Variants in RBBP4 observed in about 807,000 individuals in gnomAD.
The protein encoded by RBBP4 is RB binding protein 4, chromatin remodeling factor.
RBBP4 carries 3 observed loss-of-function variants against 57.2 expected under a neutral mutation model. That is an observed-to-expected ratio of 0.05 (90% CI 0.02 to 0.14). The LOEUF (loss-of-function observed/expected upper bound fraction) is 0.14. RBBP4 is among the 10% of genes least tolerant of loss of function. RBBP4 has a pLI of 1.00. For missense variants in RBBP4, 107 were observed against 520.6 expected, an observed-to-expected ratio of 0.21 and a Z score of 7.73; for synonymous variants, 151 against 171.5, an observed-to-expected ratio of 0.88 and a Z score of 0.93.
chr1:32,661,966 A>T (rs1443812565), intron 3 of RBBP4, among the ~76,000 whole-genome samples: 1 of 124,826 alleles, frequency 8.0e-6, no homozygotes, highest in East Asian at 2.5e-4. Flanking sequence ...GCTCACTGCA[A>T]CTTCCGCCTC....
chr1:32,681,881 G>A lies in RBBP4; in HGVS notation c.*2176G>A. 6.2e-7 allele frequency: 1 copy of A among 1,608,484 alleles called. No homozygotes were observed. The highest frequency in any genetic ancestry group is 8.5e-7 in the Non-Finnish European group (1 of 1,174,894). ...AGCCCCTGTAAAGTTGAAAGAAAAA[G>A]TTTATAACAGTGAACTTCTGAGGTT... On this transcript the variant is annotated 3_prime_UTR_variant, in exon 12 of 12. Transcript: ENST00000373493.
In RBBP4 at chr1:32,684,121, T is replaced by G; in HGVS notation, c.*4416T>G. On this transcript the variant is annotated 3_prime_UTR_variant, in exon 12 of 12. Transcript: ENST00000373493. Reference sequence around the variant, plus strand: ...AAAGAGAGAGCCATTTTCCATGTGTTTTTGGATAAGCACAATTTGAAAATC... The same window carrying G: ...AAAGAGAGAGCCATTTTCCATGTGTGTTTGGATAAGCACAATTTGAAAATC... 6.2e-7 allele frequency: 1 copy of G among 1,611,214 alleles called. No homozygotes were observed. The highest frequency in any genetic ancestry group is 8.5e-7 in the Non-Finnish European group (1 of 1,178,722).
intron 3 of RBBP4, among the ~76,000 whole-genome samples, chr1:32,662,623 C>CT (rs202141827): frequency 8.4e-4 from 128 of 152,060 alleles, no homozygotes; most frequent in Admixed American, 6.5e-3. Context: ...ATCCACCTGC[C>CT]TCAGCCTCCC....
At chr1:32,652,824 G>A (rs1349571390) in intron 2 of RBBP4, among the ~76,000 whole-genome samples, 1 of 152,194 alleles carries the variant, frequency 6.6e-6, no homozygotes, top group South Asian at 2.1e-4. Context: ...GGGATTACAG[G>A]CGTGAGCCAC....
rs1478773534 is a variant in RBBP4, at chr1:32,678,710, C to G, written c.1213-930C>G. Among the ~76,000 whole-genome samples, 5 of 150,742 alleles carry G rather than the reference C, an allele frequency of 3.3e-5. 1 individual carries two copies. Among genetic ancestry groups the G allele is most frequent in the Non-Finnish European group, 7.4e-5 (5 of 67,868 alleles). ...GTTCAATCAATTCTTATGCCTCAGCCTCCCAAGTAGCTGGGACCACAGGGG... is the reference window on the plus strand; with the variant it reads ...GTTCAATCAATTCTTATGCCTCAGCGTCCCAAGTAGCTGGGACCACAGGGG... On this transcript the variant is annotated intron_variant, in intron 11 of 11. Coordinates refer to ENST00000373493, the MANE Select transcript of RBBP4 (RefSeq NM_005610.3).
At position 32,657,417 on chromosome 1, in the gene RBBP4, GC is replaced by G; in HGVS notation, c.165-8del. 1 of 1,610,570 alleles carries G rather than the reference GC, an allele frequency of 6.2e-7. No homozygotes were observed. The highest frequency in any genetic ancestry group is 8.5e-7 in the Non-Finnish European group (1 of 1,178,524). ...CTAATTTGAACAGTGACTATATATTGCCGTTACAGACCAGAAGGGAAAGATT... is the reference window on the plus strand; with the variant it reads ...CTAATTTGAACAGTGACTATATATTGCGTTACAGACCAGAAGGGAAAGATT... On this transcript the variant is annotated splice_polypyrimidine_tract_variant and intron_variant, in intron 2 of 11. Coordinates refer to ENST00000373493, the MANE Select transcript of RBBP4 (RefSeq NM_005610.3).
intron 3 of RBBP4, among the ~76,000 whole-genome samples, chr1:32,659,509 G>A (rs1472571080): frequency 2.0e-5 from 3 of 147,654 alleles, no homozygotes; most frequent in African/African-American, 5.0e-5. Flanking sequence ...GCAGTGAGCC[G>A]AGATCTCACC....
At chr1:32,655,475 C>G (rs1424605772) in intron 2 of RBBP4, among the ~76,000 whole-genome samples, 2 of 152,206 alleles carry the variant, frequency 1.3e-5, no homozygotes, top group Non-Finnish European at 2.9e-5. Context: ...CTTCTACATA[C>G]AGGTAATTCC....
intron 2 of RBBP4, among the ~76,000 whole-genome samples, chr1:32,653,235 C>G (rs190178634): frequency 6.6e-6 from 1 of 152,120 alleles, no homozygotes; most frequent in East Asian, 1.9e-4. Context: ...TGCCTCATTT[C>G]TTAGGAAGAA....
chr1:32,662,221 C>CA (rs1260437053), intron 3 of RBBP4: 1 of 341,732 alleles, frequency 2.9e-6, no homozygotes, highest in Non-Finnish European at 6.1e-6. Flanking sequence ...ATTTTTTTAA[C>CA]AAACAGTCTC....
chr1:32,666,465 T>A (rs1483429052), intron 3 of RBBP4, among the ~76,000 whole-genome samples: 3 of 152,172 alleles, frequency 2.0e-5, no homozygotes, highest in Admixed American at 1.3e-4. Flanking sequence ...TTCAAGCAAT[T>A]CTGTCTCAGC....
intron 3 of RBBP4, chr1:32,662,292 T>A (rs1266825770): frequency 3.8e-6 from 1 of 262,654 alleles, no homozygotes; most frequent in Non-Finnish European, 8.3e-6. Context: ...CCTCCTGGGT[T>A]CAAGTGATTC....
At chr1:32,668,121 A>T in intron 3 of RBBP4, 104 bp from the exon 4 acceptor site, 1 of 1,071,960 alleles carries the variant, frequency 9.3e-7, no homozygotes, top group Non-Finnish European at 1.3e-6. Flanking sequence ...GTATTATGCC[A>T]GTTTGTTGCT....
chr1:32,660,289 C>G (rs1242572461), intron 3 of RBBP4, among the ~76,000 whole-genome samples: 3 of 152,156 alleles, frequency 2.0e-5, no homozygotes, highest in Admixed American at 1.3e-4. Context: ...CTCTGTCACC[C>G]AGACTGGAGT....
intron 3 of RBBP4, among the ~76,000 whole-genome samples, chr1:32,658,125 T>C (rs1418808728): frequency 6.6e-6 from 1 of 152,180 alleles, no homozygotes; most frequent in Admixed American, 6.5e-5. Context: ...AGTGCTGGAA[T>C]TACAGGCGTG....
In RBBP4 at chr1:32,681,112, T is replaced by G. The variant is rs1649406746; in HGVS notation, c.*1407T>G. On this transcript the variant is annotated 3_prime_UTR_variant, in exon 12 of 12. Coordinates refer to ENST00000373493, the MANE Select transcript of RBBP4 (RefSeq NM_005610.3). The stretch of plus-strand genomic sequence containing the variant: ...ATGCAATAACCAGATAAAATTCCTG[T>G]TTTTTCCCAATCGCTTAGTTTTTTG... The G allele has an allele frequency of 6.5e-6, 1 of 152,734 alleles. No homozygotes were observed. Among genetic ancestry groups the G allele is most frequent in the South Asian group, 2.1e-4 (1 of 4,842 alleles). The allele number at this position is 152,734 out of a possible 1,614,324, so 9.5% of individuals were successfully genotyped here.
In RBBP4 at chr1:32,680,074, C is replaced by A; in HGVS notation, c.*369C>A. 13 of 1,072,048 alleles carry A rather than the reference C, an allele frequency of 1.2e-5. No individual in the cohort carries two copies. The highest frequency in any genetic ancestry group is 1.5e-5 in the Non-Finnish European group (13 of 887,194). The allele number at this position is 1,072,048 out of a possible 1,614,324, so 66.4% of individuals were successfully genotyped here. A position where few individuals can be genotyped will look rare whatever the true frequency, so the allele number is the denominator to read the frequency against. ...GAATAGAGCCAAATGAGGTAGGTGT[C>A]TGAGCCATGAAGTATAAATACTGAA... On this transcript the variant is annotated 3_prime_UTR_variant, in exon 12 of 12. Coordinates refer to ENST00000373493, the MANE Select transcript of RBBP4 (RefSeq NM_005610.3).
At position 32,684,604 on chromosome 1, in the gene RBBP4, T is replaced by G; in HGVS notation, c.*4899T>G. 1 of 568,536 alleles carries G rather than the reference T, an allele frequency of 1.8e-6. No homozygotes were observed. The highest frequency in any genetic ancestry group is 3.0e-6 in the Non-Finnish European group (1 of 334,108). The allele number at this position is 568,536 out of a possible 1,614,324, so 35.2% of individuals were successfully genotyped here. On this transcript the variant is annotated 3_prime_UTR_variant, in exon 12 of 12. Coordinates refer to ENST00000373493, the MANE Select transcript of RBBP4 (RefSeq NM_005610.3). ...GATGACGAAAAAGGCATCTTGTCTG[T>G]TAACCACAGCTTGCTTTAATAGAAT...
In RBBP4 at chr1:32,680,218, G is replaced by A. The variant is rs1649337689; in HGVS notation, c.*513G>A. 1 of 1,134,188 alleles carries A rather than the reference G, an allele frequency of 8.8e-7. No homozygotes were observed. The highest frequency in any genetic ancestry group is 1.1e-6 in the Non-Finnish European group (1 of 925,242). 70.3% of individuals were successfully genotyped at this position (1,134,188 alleles called of 1,614,324 possible). On this transcript the variant is annotated 3_prime_UTR_variant, in exon 12 of 12. Transcript: ENST00000373493. ...TTCATACGTAGACCAGTTTCCTCTT[G>A]GTTTCTTCAGTTAAGTCAAAACAAC...
Sources: allele counts gnomAD v4.1 joint callset (sites outside exome capture counted in the v4.1 genomes callset), GRCh38; gene constraint gnomAD v4.1.1; transcripts MANE v1.5; gene names NCBI Gene and HGNC (gene_info 2026-07-23, HGNC 2026-07-21).